The following RNF217 variants were observed in gnomAD, a reference collection of about 807,000 sequenced individuals.
RNF217 encodes E3 ubiquitin-protein ligase RNF217.
RNF217 carries 31 observed loss-of-function variants against 57.8 expected under a neutral mutation model. That is an observed-to-expected ratio of 0.54 (90% CI 0.40 to 0.72). The LOEUF (loss-of-function observed/expected upper bound fraction) is 0.72. Among genes scored for constraint, RNF217 ranks in the 30% least tolerant of loss-of-function variants. RNF217 has a pLI of 0.00. For synonymous variants in RNF217, 313 were observed against 294.0 expected (o/e 1.06, Z -0.66); for missense variants, 696 against 708.3 (o/e 0.98, Z 0.20).
chr6:125,086,198 A>G lies in RNF217; in HGVS notation c.*3261A>G, dbSNP rs1274635332. On this transcript the variant is annotated 3_prime_UTR_variant, in exon 6 of 6. Transcript: ENST00000521654. Reference sequence around the variant, plus strand: ...ATATGAGACCCTTTTTTGGATAAAAAGAAAGATTGTACAGGAGTGCATAAT... The same window carrying G: ...ATATGAGACCCTTTTTTGGATAAAAGGAAAGATTGTACAGGAGTGCATAAT... 2 of 152,002 alleles carry G rather than the reference A, an allele frequency of 1.3e-5. No individual in the cohort carries two copies. The highest frequency in any genetic ancestry group is 4.8e-5 in the African/African-American group (2 of 41,432). The allele number at this position is 152,002 out of a possible 1,614,324, so 9.4% of individuals were successfully genotyped here. A position where few individuals can be genotyped will look rare whatever the true frequency, so the allele number is the denominator to read the frequency against.
intron 1 of RNF217, among the ~76,000 whole-genome samples, chr6:125,036,043 G>A (rs550629209): frequency 5.3e-5 from 8 of 151,952 alleles, no homozygotes; most frequent in Admixed American, 3.9e-4. Context: ...CCCCGCATGC[G>A]ATAGTTATTT....
chr6:125,077,828 A>C (rs902514034), intron 4 of RNF217, among the ~76,000 whole-genome samples: 1 of 152,016 alleles, frequency 6.6e-6, no homozygotes, highest in Non-Finnish European at 1.5e-5. Context: ...CTTTATGAAA[A>C]TCTTTATATC....
At position 125,081,422 on chromosome 6, in the gene RNF217, C is replaced by T. The variant is rs936102507; in HGVS notation, c.1484-14C>T. The T allele has an allele frequency of 3.7e-6, 6 of 1,607,692 alleles. No individual in the cohort carries two copies. Among genetic ancestry groups the T allele is most frequent in the Middle Eastern group, 3.3e-4 (2 of 6,024 alleles). On this transcript the variant is annotated splice_polypyrimidine_tract_variant and intron_variant, in intron 4 of 5. Transcript: ENST00000521654. ...TTTAAGACTCCTTAAATAATTTTGCCTTTTGTTTTCCAGCTGGAAAATTAT... is the reference window on the plus strand; with the variant it reads ...TTTAAGACTCCTTAAATAATTTTGCTTTTTGTTTTCCAGCTGGAAAATTAT...
chr6:125,009,023 A>T (rs1309274745), intron 1 of RNF217: 1 of 363,808 alleles, frequency 2.7e-6, no homozygotes, highest in Non-Finnish European at 4.9e-6. Context: ...ATGTAATTTT[A>T]TACCTCATTA....
At chr6:125,034,408 C>A (rs943727170) in intron 1 of RNF217, among the ~76,000 whole-genome samples, 13 of 152,094 alleles carry the variant, frequency 8.5e-5, no homozygotes, top group African/African-American at 2.4e-4. Context: ...TCAGCTTTCT[C>A]CATATGGCTA....
intron 1 of RNF217, among the ~76,000 whole-genome samples, chr6:125,034,720 C>G (rs1235747410): frequency 1.3e-5 from 2 of 151,984 alleles, no homozygotes; most frequent in Non-Finnish European, 2.9e-5. Flanking sequence ...TAGTTTTTTC[C>G]AATTCTGTGA....
chr6:125,039,668 C>T (rs1270318922), intron 1 of RNF217, among the ~76,000 whole-genome samples: 2 of 152,188 alleles, frequency 1.3e-5, no homozygotes, highest in African/African-American at 4.8e-5. Flanking sequence ...CCACATGGCA[C>T]TTATTCTAAA....
In RNF217 at chr6:125,075,407, G is replaced by A. The variant is rs145506518; in HGVS notation, c.1282-1250G>A. ...AGAGGTTTAATTGACTCATGGTTCC[G>A]CATGCCTGGGGAGGCCTCAGGAAAC... On this transcript the variant is annotated intron_variant, in intron 3 of 5. Coordinates refer to ENST00000521654, the MANE Select transcript of RNF217 (RefSeq NM_001286398.3). Among the ~76,000 whole-genome samples, 1,072 of 152,220 alleles carry A rather than the reference G, an allele frequency of 7.0e-3. 7 individuals carry two copies. The highest frequency in any genetic ancestry group is 0.025 in the African/African-American group (1,023 of 41,538).
At chr6:124,973,797 G>T (rs1783853028) in intron 1 of RNF217, among the ~76,000 whole-genome samples, 1 of 152,070 alleles carries the variant, frequency 6.6e-6, no homozygotes, top group Admixed American at 6.5e-5. Context: ...CTGTTTAACA[G>T]ATTCTTCCAG....
At chr6:125,006,362 T>C (rs1015777759) in intron 1 of RNF217, among the ~76,000 whole-genome samples, 2 of 152,212 alleles carry the variant, frequency 1.3e-5, no homozygotes, top group Non-Finnish European at 2.9e-5. Context: ...CACAGGGCTA[T>C]AGAAAAGTTA....
chr6:124,980,818 C>T (rs1582664717), intron 1 of RNF217, among the ~76,000 whole-genome samples: 1 of 152,264 alleles, frequency 6.6e-6, no homozygotes, highest in East Asian at 1.9e-4. Flanking sequence ...AAATTTCCCT[C>T]TAATTACACT....
intron 1 of RNF217, among the ~76,000 whole-genome samples, chr6:125,002,583 A>G (rs1424619390): frequency 6.6e-6 from 1 of 151,880 alleles, no homozygotes; most frequent in Non-Finnish European, 1.5e-5. Flanking sequence ...CTTATTATCT[A>G]CGACCACAGC....
intron 1 of RNF217, among the ~76,000 whole-genome samples, chr6:125,041,623 T>C (rs1786883642): frequency 6.6e-6 from 1 of 152,120 alleles, no homozygotes; most frequent in African/African-American, 2.4e-5. Flanking sequence ...CTTTGTTTGC[T>C]GTCTCTTCCC....
intron 3 of RNF217, among the ~76,000 whole-genome samples, chr6:125,064,390 A>G (rs927981646): frequency 2.0e-5 from 3 of 152,180 alleles, no homozygotes; most frequent in Non-Finnish European, 4.4e-5. Flanking sequence ...TATTAACTAC[A>G]TTGTATCCAA....
intron 1 of RNF217, among the ~76,000 whole-genome samples, chr6:124,966,569 T>C (rs1450515224): frequency 6.6e-6 from 1 of 152,224 alleles, no homozygotes; most frequent in Non-Finnish European, 1.5e-5. Context: ...CCACCATTTC[T>C]TTTAGTTTGT....
chr6:125,018,747 G>A (rs1179427610), intron 1 of RNF217, among the ~76,000 whole-genome samples: 1 of 152,178 alleles, frequency 6.6e-6, no homozygotes, highest in Non-Finnish European at 1.5e-5. Flanking sequence ...AAATAAGGAA[G>A]AGGAATGCTA....
intron 2 of RNF217, among the ~76,000 whole-genome samples, chr6:125,049,087 A>G (rs1787209406): frequency 6.6e-6 from 1 of 151,996 alleles, no homozygotes; most frequent in South Asian, 2.1e-4. Context: ...TCAGCTTCCA[A>G]CTAGAAATCT....
At chr6:125,076,026 G>A (rs1788353138) in intron 3 of RNF217, among the ~76,000 whole-genome samples, 1 of 152,106 alleles carries the variant, frequency 6.6e-6, no homozygotes, top group Non-Finnish European at 1.5e-5. Context: ...GGGTGAAGCT[G>A]TGTTTACATG....
intron 1 of RNF217, among the ~76,000 whole-genome samples, chr6:124,965,919 A>G (rs1013187487): frequency 3.9e-5 from 6 of 152,198 alleles, no homozygotes; most frequent in Non-Finnish European, 8.8e-5. Flanking sequence ...ACAGGTCTGT[A>G]TCTTTAGCAT....
Sources: allele counts gnomAD v4.1 joint callset (sites outside exome capture counted in the v4.1 genomes callset), GRCh38; gene constraint gnomAD v4.1.1; transcripts MANE v1.5; gene names NCBI Gene and HGNC (gene_info 2026-07-23, HGNC 2026-07-21).